PTGER4: variants seen among roughly 807,000 people sequenced by gnomAD.
The protein encoded by PTGER4 is prostaglandin E2 receptor EP4 subtype.
Under a neutral mutation model 33.2 loss-of-function variants are expected in PTGER4, and 11 were observed. The ratio of observed to expected loss-of-function variants is 0.33; its 90% CI spans 0.21 to 0.55. The LOEUF is 0.55. Among genes scored for constraint, PTGER4 ranks in the 20% least tolerant of loss-of-function variants. PTGER4 has a pLI of 0.92. For synonymous variants in PTGER4, 275 were observed against 281.5 expected (o/e 0.98, Z 0.23); for missense variants, 481 against 650.2 (o/e 0.74, Z 2.83).
the PTGER4 span, among the ~76,000 whole-genome samples, chr5:40,738,572 A>AATAAAATAAAATAAAAT: frequency 1.2e-3 from 91 of 76,684 alleles, 2 homozygotes; most frequent in African/African-American, 4.1e-3. Context: ...TAAAATATAA[A>AATAAAATAAAATAAAAT]ATAAAATAAA....
chr5:40,723,144 G>C, the PTGER4 span, among the ~76,000 whole-genome samples: 45 of 151,830 alleles, frequency 3.0e-4, no homozygotes, highest in Non-Finnish European at 5.5e-4. Context: ...CCCCAACCCC[G>C]TGCTCTCTGA....
chr5:40,741,114 A>G, the PTGER4 span, among the ~76,000 whole-genome samples: 1 of 152,172 alleles, frequency 6.6e-6, no homozygotes, highest in East Asian at 1.9e-4. Context: ...ACTCTTTGGC[A>G]TGTCCAGTAA....
the PTGER4 span, among the ~76,000 whole-genome samples, chr5:40,732,276 A>T: frequency 6.6e-6 from 1 of 151,948 alleles, no homozygotes; most frequent in Non-Finnish European, 1.5e-5. Context: ...CTTGGCCTCC[A>T]CAAGTGCTGA....
At chr5:40,719,879 TTA>T in the PTGER4 span, among the ~76,000 whole-genome samples, 1 of 152,222 alleles carries the variant, frequency 6.6e-6, no homozygotes, top group South Asian at 2.1e-4. Context: ...TATTTTTAAA[TTA>T]CATTATTTGT....
the PTGER4 span, among the ~76,000 whole-genome samples, chr5:40,726,105 T>C: frequency 4.0e-5 from 6 of 151,286 alleles, no homozygotes; most frequent in Admixed American, 1.3e-4. Flanking sequence ...TATTCTCTCA[T>C]CCTTCCACTT....
chr5:40,743,611 A>G, the PTGER4 span, among the ~76,000 whole-genome samples: 3 of 151,768 alleles, frequency 2.0e-5, no homozygotes, highest in South Asian at 6.3e-4. Flanking sequence ...CATCTCTACT[A>G]AGAATACAAA....
chr5:40,697,226 A>AAAATAAAGAAAG (rs1554024592), downstream of PTGER4, among the ~76,000 whole-genome samples: 2 of 112,566 alleles, frequency 1.8e-5, no homozygotes, highest in Non-Finnish European at 1.8e-5. Context: ...AAGAAAGAAG[A>AAAATAAAGAAAG]AAAGAAAGAA....
chr5:40,745,522 C>T, the PTGER4 span, among the ~76,000 whole-genome samples: 1 of 151,648 alleles, frequency 6.6e-6, no homozygotes, highest in Non-Finnish European at 1.5e-5. Context: ...CGAGATTGTC[C>T]TATTCTTTTG....
chr5:40,730,828 T>C, the PTGER4 span, among the ~76,000 whole-genome samples: 6 of 152,186 alleles, frequency 3.9e-5, no homozygotes, highest in African/African-American at 1.4e-4. Context: ...GGTTCATATG[T>C]AACAGATAAG....
the PTGER4 span, among the ~76,000 whole-genome samples, chr5:40,718,323 T>G: frequency 6.6e-6 from 1 of 152,066 alleles, no homozygotes. Context: ...GGAAAATTGT[T>G]TGAACCCCGG....
downstream of PTGER4, among the ~76,000 whole-genome samples, chr5:40,694,530 T>C (rs1741544759): frequency 6.6e-6 from 1 of 152,200 alleles, no homozygotes; most frequent in Non-Finnish European, 1.5e-5. Context: ...TTGGTTTCTC[T>C]TGAGCCCCCT....
the PTGER4 span, among the ~76,000 whole-genome samples, chr5:40,739,515 G>A: frequency 2.6e-5 from 4 of 152,256 alleles, no homozygotes; most frequent in East Asian, 1.9e-4. Context: ...TACTGTTCTC[G>A]TGATAGTGAG....
the PTGER4 span, among the ~76,000 whole-genome samples, chr5:40,724,502 A>C: frequency 9.9e-5 from 15 of 151,920 alleles, no homozygotes; most frequent in Non-Finnish European, 4.4e-5. Context: ...ACATGGTGGC[A>C]CACGCCTATA....
At chr5:40,726,445 A>G in the PTGER4 span, among the ~76,000 whole-genome samples, 7 of 151,470 alleles carry the variant, frequency 4.6e-5, no homozygotes, top group Non-Finnish European at 1.0e-4. Context: ...TCCCTTCGTT[A>G]TGACATTTTG....
At chr5:40,697,594 C>CA (rs1308596268), downstream of PTGER4, among the ~76,000 whole-genome samples, 2 of 102,620 alleles carry the variant, frequency 1.9e-5, no homozygotes, top group East Asian at 4.4e-4. Flanking sequence ...AAAAAAAAAA[C>CA]AAAAAAACAA....
the PTGER4 span, chr5:40,714,520 T>C: frequency 2.1e-4 from 32 of 152,300 alleles, no homozygotes; most frequent in East Asian, 5.8e-3. Flanking sequence ...AAAACAAACA[T>C]CCATTACTCA....
chr5:40,725,074 C>G, the PTGER4 span, among the ~76,000 whole-genome samples: 29 of 152,132 alleles, frequency 1.9e-4, 1 homozygote, highest in African/African-American at 6.5e-4. Context: ...CTCAAAACTC[C>G]TGACCTCAGG....
Position 40,693,303 on chromosome 5 carries a change from G to C in PTGER4, c.*925G>C, listed in dbSNP as rs543710495. 21 of 971,046 alleles carry C rather than the reference G, an allele frequency of 2.2e-5. No individual in the cohort carries two copies. The highest frequency in any genetic ancestry group is 2.3e-5 in the Non-Finnish European group (19 of 816,772). 60.2% of individuals were successfully genotyped at this position (971,046 alleles called of 1,614,324 possible). ...CTTTAATAAATAACCCATAATTGAA[G>C]TGTATAATATAAAAAATTTTAAAAA... On this transcript the variant is annotated 3_prime_UTR_variant, in exon 3 of 3. Coordinates refer to ENST00000302472, the MANE Select transcript of PTGER4 (RefSeq NM_000958.3).
chr5:40,706,501 T>C, the PTGER4 span, among the ~76,000 whole-genome samples: 5 of 151,886 alleles, frequency 3.3e-5, no homozygotes, highest in African/African-American at 1.2e-4. Flanking sequence ...GTAAAATAAC[T>C]TAAGCTTAAA....
Sources: gnomAD v4.1 joint callset for allele counts (sites outside exome capture counted in the v4.1 genomes callset) on GRCh38, gnomAD v4.1.1 for gene constraint, MANE v1.5 for transcripts, NCBI Gene and HGNC (gene_info 2026-07-23, HGNC 2026-07-21) for gene names.